SLC35F3: variants seen among roughly 807,000 people sequenced by gnomAD.
The protein encoded by SLC35F3 is solute carrier family 35 member F3, also known as putative thiamine transporter SLC35F3.
In SLC35F3, 25 loss-of-function variants were observed where a neutral mutation model predicts 49.9. The ratio of observed to expected loss-of-function variants is 0.50; its 90% CI spans 0.37 to 0.70. The LOEUF (loss-of-function observed/expected upper bound fraction) is 0.70, where lower values mean the gene tolerates loss of function less well. SLC35F3 is among the 30% of genes least tolerant of loss of function. The probability of loss-of-function intolerance (pLI) is 0.00; values close to 1 mark genes in which losing one functional copy is unlikely to be tolerated. For missense variants in SLC35F3, 525 were observed against 639.8 expected (o/e 0.82, Z 1.94); for synonymous variants, 275 against 265.4 (o/e 1.04, Z -0.35).
intron 2 of SLC35F3, among the ~76,000 whole-genome samples, chr1:234,093,980 G>A (rs995471649): frequency 8.5e-5 from 13 of 152,218 alleles, no homozygotes; most frequent in African/African-American, 1.7e-4. Flanking sequence ...TGCAGCCAGC[G>A]CTGTCCAAGC....
At chr1:233,973,875 T>G (rs1444598820) in intron 2 of SLC35F3, among the ~76,000 whole-genome samples, 1 of 152,218 alleles carries the variant, frequency 6.6e-6, no homozygotes, top group Non-Finnish European at 1.5e-5. Flanking sequence ...TTGAAACCAG[T>G]GCAGACTGTC....
At chr1:233,968,033 G>A (rs966190950) in intron 2 of SLC35F3, among the ~76,000 whole-genome samples, 3 of 152,152 alleles carry the variant, frequency 2.0e-5, no homozygotes. Flanking sequence ...CATGTATTTG[G>A]AGGCTAGAAG....
intron 2 of SLC35F3, among the ~76,000 whole-genome samples, chr1:233,911,155 C>A (rs901135346): frequency 6.6e-6 from 1 of 152,160 alleles, no homozygotes; most frequent in Admixed American, 6.5e-5. Flanking sequence ...GTCTTCCTAG[C>A]GTCCCTGTTA....
chr1:234,267,168 CAT>C (rs992386480), intron 3 of SLC35F3, among the ~76,000 whole-genome samples: 2 of 136,828 alleles, frequency 1.5e-5, no homozygotes, highest in Admixed American at 1.5e-4. Flanking sequence ...GGACACAACA[CAT>C]GTTTCAGAGA....
chr1:234,148,120 A>C (rs952644532), intron 2 of SLC35F3, among the ~76,000 whole-genome samples: 2 of 152,188 alleles, frequency 1.3e-5, no homozygotes, highest in African/African-American at 2.4e-5. Flanking sequence ...GGCACTGCCA[A>C]GTTATCCCTT....
chr1:233,949,067 G>A (rs1303584344), intron 2 of SLC35F3, among the ~76,000 whole-genome samples: 1 of 151,898 alleles, frequency 6.6e-6, no homozygotes, highest in Admixed American at 6.6e-5. Context: ...ACATAATCTC[G>A]TCTGAAAGTT....
intron 2 of SLC35F3, among the ~76,000 whole-genome samples, chr1:233,956,866 G>C (rs1437649846): frequency 6.6e-6 from 1 of 152,170 alleles, no homozygotes; most frequent in Admixed American, 6.5e-5. Context: ...GGGGAAGCTT[G>C]CAAGGCCCCC....
intron 2 of SLC35F3, among the ~76,000 whole-genome samples, chr1:233,976,839 G>A (rs1035120083): frequency 1.5e-4 from 23 of 152,200 alleles, no homozygotes; most frequent in African/African-American, 5.1e-4. Context: ...TCAAACTCCT[G>A]ACCTCAGGTA....
chr1:234,149,418 A>G (rs1666040376), intron 2 of SLC35F3, among the ~76,000 whole-genome samples: 1 of 152,224 alleles, frequency 6.6e-6, no homozygotes, highest in South Asian at 2.1e-4. Context: ...TAATGGTTTT[A>G]GAGCATGGTG....
At chr1:234,131,159 T>C (rs1665729721) in intron 2 of SLC35F3, among the ~76,000 whole-genome samples, 1 of 148,976 alleles carries the variant, frequency 6.7e-6, no homozygotes, top group Admixed American at 6.7e-5. Context: ...ATGAGGGGGC[T>C]TCTGAGGTTG....
intron 2 of SLC35F3, among the ~76,000 whole-genome samples, chr1:233,975,151 A>G (rs377162304): frequency 4.5e-4 from 68 of 152,378 alleles, no homozygotes; most frequent in African/African-American, 1.6e-3. Context: ...AGGAACCTGC[A>G]TTTTAACAAC....
At chr1:234,212,092 G>T (rs774873331) in intron 2 of SLC35F3, among the ~76,000 whole-genome samples, 2 of 152,180 alleles carry the variant, frequency 1.3e-5, no homozygotes, top group African/African-American at 4.8e-5. Context: ...GTAAGACGTG[G>T]CTTGCTCCTC....
chr1:234,315,793 A>G (rs916072466), intron 4 of SLC35F3, among the ~76,000 whole-genome samples: 1 of 152,202 alleles, frequency 6.6e-6, no homozygotes, highest in African/African-American at 2.4e-5. Context: ...CTGCAGCTTC[A>G]TGGCTACCTC....
At chr1:234,025,875 T>C (rs1272327842) in intron 2 of SLC35F3, among the ~76,000 whole-genome samples, 1 of 132,036 alleles carries the variant, frequency 7.6e-6, no homozygotes, top group Non-Finnish European at 1.8e-5. Flanking sequence ...CCATAAATTA[T>C]TTGCCAAATT....
At chr1:233,905,415 G>C (rs1182198766) in intron 1 of SLC35F3, 114 bp from the exon 2 acceptor site, 3 of 837,638 alleles carry the variant, frequency 3.6e-6, no homozygotes, top group Middle Eastern at 3.6e-4. Flanking sequence ...CTCGCCCCCG[G>C]AGGGCCCCGG....
intron 2 of SLC35F3, among the ~76,000 whole-genome samples, chr1:234,042,298 G>T (rs1016866752): frequency 6.6e-6 from 1 of 151,524 alleles, no homozygotes; most frequent in Admixed American, 6.6e-5. Context: ...AGAAACAGGG[G>T]CATGATTAAT....
intron 2 of SLC35F3, among the ~76,000 whole-genome samples, chr1:234,084,530 T>G (rs896906244): frequency 6.6e-6 from 1 of 152,214 alleles, no homozygotes; most frequent in African/African-American, 2.4e-5. Flanking sequence ...TATGCATATA[T>G]TTTAAAGAAA....
intron 2 of SLC35F3, among the ~76,000 whole-genome samples, chr1:234,185,587 C>T (rs1009754692): frequency 2.6e-5 from 4 of 152,186 alleles, no homozygotes; most frequent in Non-Finnish European, 5.9e-5. Context: ...ACTCCAGTGA[C>T]CTCTGTCCTG....
At chr1:233,920,435 C>T (rs114519841) in intron 2 of SLC35F3, among the ~76,000 whole-genome samples, 1,959 of 152,242 alleles carry the variant, frequency 0.013, 47 homozygotes, top group African/African-American at 0.043. Context: ...ATGGTGACTA[C>T]TCATAAAGCT....
Sources: gnomAD v4.1 joint callset for allele counts (sites outside exome capture counted in the v4.1 genomes callset) on GRCh38, gnomAD v4.1.1 for gene constraint, MANE v1.5 for transcripts, NCBI Gene and HGNC (gene_info 2026-07-23, HGNC 2026-07-21) for gene names.